CCDC148: variants seen among roughly 807,000 people sequenced by gnomAD.
CCDC148 encodes coiled-coil domain-containing protein 148.
CCDC148 carries 89 observed loss-of-function variants against 85.7 expected under a neutral mutation model. The ratio of observed to expected loss-of-function variants is 1.04; its 90% CI spans 0.87 to 1.24. The LOEUF is 1.24. Among genes scored for constraint, CCDC148 ranks in the 50% most tolerant of loss-of-function variants. The probability of loss-of-function intolerance (pLI) is 0.00; values close to 1 mark genes in which losing one functional copy is unlikely to be tolerated. For missense variants in CCDC148, 692 were observed against 671.7 expected, an observed-to-expected ratio of 1.03 and a Z score of -0.33; for synonymous variants, 230 against 213.9, an observed-to-expected ratio of 1.08 and a Z score of -0.66.
intron 1 of CCDC148, among the ~76,000 whole-genome samples, chr2:158,364,049 T>C (rs939974704): frequency 6.9e-6 from 1 of 145,768 alleles, no homozygotes; most frequent in Non-Finnish European, 1.5e-5. Flanking sequence ...ATGAGTGAAC[T>C]CCCATTCATA....
intron 1 of CCDC148, among the ~76,000 whole-genome samples, chr2:158,372,269 C>T (rs1490348784): frequency 6.6e-6 from 1 of 151,986 alleles, no homozygotes; most frequent in East Asian, 1.9e-4. Context: ...AGGACAAATT[C>T]ACACAGCTTC....
intron 9 of CCDC148, among the ~76,000 whole-genome samples, chr2:158,253,894 G>A (rs1444074522): frequency 1.3e-5 from 2 of 151,512 alleles, no homozygotes; most frequent in African/African-American, 4.8e-5. Flanking sequence ...TCTGATGGAA[G>A]CATACAGCAT....
intron 9 of CCDC148, among the ~76,000 whole-genome samples, chr2:158,280,773 G>A (rs982630481): frequency 4.0e-4 from 61 of 152,094 alleles, no homozygotes; most frequent in African/African-American, 1.1e-3. Flanking sequence ...TGCACCAAGC[G>A]GACCTAATAC....
intron 11 of CCDC148, among the ~76,000 whole-genome samples, chr2:158,215,578 G>A (rs1017510630): frequency 5.3e-5 from 8 of 151,562 alleles, no homozygotes; most frequent in Admixed American, 2.0e-4. Context: ...AAGTTCTAGG[G>A]TACATATGCA....
intron 11 of CCDC148, among the ~76,000 whole-genome samples, chr2:158,195,111 G>A (rs1313384032): frequency 6.6e-6 from 1 of 151,836 alleles, no homozygotes; most frequent in African/African-American, 2.4e-5. Context: ...ACCTACATTG[G>A]AGAAATTATC....
chr2:158,433,278 A>ATATATATATATATATATAT (rs1193160417), intron 1 of CCDC148, among the ~76,000 whole-genome samples: 5 of 127,690 alleles, frequency 3.9e-5, no homozygotes, highest in Admixed American at 7.7e-5. Flanking sequence ...ATATATATAT[A>ATATATATATATATATATAT]AAACAAAAGC....
intron 9 of CCDC148, among the ~76,000 whole-genome samples, chr2:158,258,978 AT>A (rs1323688623): frequency 6.6e-6 from 1 of 151,760 alleles, no homozygotes; most frequent in Admixed American, 6.6e-5. Context: ...ACCCCAACTC[AT>A]AATCCCACAC....
intron 1 of CCDC148, among the ~76,000 whole-genome samples, chr2:158,373,909 T>A (rs1199073391): frequency 6.6e-6 from 1 of 152,128 alleles, no homozygotes; most frequent in Non-Finnish European, 1.5e-5. Flanking sequence ...TAGCTGATCA[T>A]CTCTGTTTCT....
At chr2:158,385,506 C>T (rs905964834) in intron 1 of CCDC148, among the ~76,000 whole-genome samples, 3 of 152,104 alleles carry the variant, frequency 2.0e-5, no homozygotes, top group Non-Finnish European at 4.4e-5. Flanking sequence ...AAAAGCAATG[C>T]CAAGGGCATA....
At chr2:158,254,511 T>C (rs1447649600) in intron 9 of CCDC148, among the ~76,000 whole-genome samples, 1 of 151,564 alleles carries the variant, frequency 6.6e-6, no homozygotes, top group Non-Finnish European at 1.5e-5. Context: ...GGTTTTAAAA[T>C]TTTTCCATAC....
intron 1 of CCDC148, among the ~76,000 whole-genome samples, chr2:158,446,811 T>A (rs1688175799): frequency 6.6e-6 from 1 of 152,200 alleles, no homozygotes; most frequent in African/African-American, 2.4e-5. Context: ...TGATCTGTCT[T>A]CTATCTCCAT....
chr2:158,392,451 A>G (rs1258556209), intron 1 of CCDC148, among the ~76,000 whole-genome samples: 1 of 152,124 alleles, frequency 6.6e-6, no homozygotes, highest in South Asian at 2.1e-4. Context: ...GAAACTTTTG[A>G]GCACCAATAT....
intron 1 of CCDC148, among the ~76,000 whole-genome samples, chr2:158,436,689 G>A (rs1327024046): frequency 6.6e-6 from 1 of 152,164 alleles, no homozygotes; most frequent in Non-Finnish European, 1.5e-5. Flanking sequence ...GAATCCAGGA[G>A]CTAGTTTGTT....
rs182737280 is a variant in CCDC148, at chr2:158,421,947, A to T, written c.25+34468T>A. Reference sequence around the variant, plus strand: ...ACAGAAATACAAACTACCATCAGAGAATACTATAAACACCTCTATGCAAAT... The same window carrying T: ...ACAGAAATACAAACTACCATCAGAGTATACTATAAACACCTCTATGCAAAT... On this transcript the variant is annotated intron_variant, in intron 1 of 13. Transcript: ENST00000283233. 4.2e-3 allele frequency among the ~76,000 whole-genome samples: 637 copies of T among 152,324 alleles called. 6 individuals are homozygous for T. The highest frequency in any genetic ancestry group is 0.014 in the African/African-American group (564 of 41,556).
intron 9 of CCDC148, among the ~76,000 whole-genome samples, chr2:158,281,656 G>A (rs902431999): frequency 9.9e-5 from 15 of 152,138 alleles, no homozygotes; most frequent in Non-Finnish European, 1.9e-4. Flanking sequence ...ACCAAAAAGA[G>A]TCCAGGACCA....
intron 9 of CCDC148, among the ~76,000 whole-genome samples, chr2:158,303,459 C>G (rs1031588344): frequency 2.0e-5 from 3 of 152,036 alleles, no homozygotes; most frequent in African/African-American, 7.3e-5. Context: ...AAATGAAAGG[C>G]AGGGATAAAT....
At chr2:158,435,198 A>C (rs1404325048) in intron 1 of CCDC148, among the ~76,000 whole-genome samples, 1 of 152,208 alleles carries the variant, frequency 6.6e-6, no homozygotes, top group Non-Finnish European at 1.5e-5. Context: ...GGTGGAAATG[A>C]AGGAAAAAAT....
chr2:158,184,550 T>A (rs3914924), intron 11 of CCDC148, among the ~76,000 whole-genome samples: 3,654 of 152,282 alleles, frequency 0.024, 147 homozygotes, highest in African/African-American at 0.083. Context: ...TTAATAGTTT[T>A]TGAATTTATT....
At chr2:158,429,288 T>C (rs1687223058) in intron 1 of CCDC148, among the ~76,000 whole-genome samples, 1 of 151,864 alleles carries the variant, frequency 6.6e-6, no homozygotes. Context: ...AGTATAATAA[T>C]AATAAAAAAA....
Sources: gnomAD v4.1 joint callset for allele counts (sites outside exome capture counted in the v4.1 genomes callset) on GRCh38, gnomAD v4.1.1 for gene constraint, MANE v1.5 for transcripts, NCBI Gene and HGNC (gene_info 2026-07-23, HGNC 2026-07-21) for gene names.